Variants in NDRG3 observed in about 807,000 individuals in gnomAD.
NDRG3 encodes protein NDRG3.
In NDRG3, 23 loss-of-function variants were observed where a neutral mutation model predicts 57.2. The observed-to-expected ratio is 0.40, with a 90% CI of 0.29 to 0.57. The LOEUF (loss-of-function observed/expected upper bound fraction) is 0.57. NDRG3 is among the 20% of genes least tolerant of loss of function. The probability of loss-of-function intolerance (pLI) is 0.42; values close to 1 mark genes in which losing one functional copy is unlikely to be tolerated. For synonymous variants in NDRG3, 132 were observed against 162.6 expected (o/e 0.81, Z 1.43); for missense variants, 384 against 457.3 (o/e 0.84, Z 1.46).
At chr20:36,668,368 A>G (rs1253793576) in intron 9 of NDRG3, among the ~76,000 whole-genome samples, 1 of 152,174 alleles carries the variant, frequency 6.6e-6, no homozygotes, top group Non-Finnish European at 1.5e-5. Context: ...GGATATATAG[A>G]GCTATCTCAT....
At chr20:36,697,461 C>T (rs1340073534) in intron 3 of NDRG3, among the ~76,000 whole-genome samples, 1 of 152,138 alleles carries the variant, frequency 6.6e-6, no homozygotes, top group Non-Finnish European at 1.5e-5. Context: ...AATCCCAGCA[C>T]TTTGGGAGGC....
chr20:36,655,776 T>C (rs1394704081), intron 15 of NDRG3, among the ~76,000 whole-genome samples: 1 of 152,206 alleles, frequency 6.6e-6, no homozygotes, highest in Non-Finnish European at 1.5e-5. Context: ...GCAATGTGCT[T>C]AGTCTCTTTG....
At chr20:36,658,988 ACT>A (rs1978922656) in intron 13 of NDRG3, among the ~76,000 whole-genome samples, 1 of 142,932 alleles carries the variant, frequency 7.0e-6, no homozygotes, top group South Asian at 2.2e-4. Flanking sequence ...ACAGGGTTTC[ACT>A]CTGTCACCTA....
intron 8 of NDRG3, among the ~76,000 whole-genome samples, chr20:36,675,899 G>C (rs1468695159): frequency 6.6e-6 from 1 of 152,098 alleles, no homozygotes; most frequent in Non-Finnish European, 1.5e-5. Flanking sequence ...TGGTGTATTA[G>C]AACATTTACG....
intron 2 of NDRG3, among the ~76,000 whole-genome samples, chr20:36,712,583 ATATATTTTTTT>A (rs1983976807): frequency 9.2e-5 from 1 of 10,926 alleles, no homozygotes; most frequent in African/African-American, 3.5e-4. Flanking sequence ...ATATATATAT[ATATATTTTTTT>A]TTTTTTTTTT....
chr20:36,678,933 A>G (rs929879874), intron 8 of NDRG3, among the ~76,000 whole-genome samples: 1 of 152,132 alleles, frequency 6.6e-6, no homozygotes, highest in African/African-American at 2.4e-5. Context: ...CTTTGAAGAC[A>G]TTTTCATTTA....
At chr20:36,693,892 T>C (rs1041381732) in intron 3 of NDRG3, among the ~76,000 whole-genome samples, 1 of 152,022 alleles carries the variant, frequency 6.6e-6, no homozygotes, top group African/African-American at 2.4e-5. Flanking sequence ...ACAATAAATG[T>C]AATGTGCTTG....
rs1316590933 is a variant in NDRG3 at position 36,651,779 on chromosome 20, A to G, written c.*1741T>C. On this transcript the variant is annotated 3_prime_UTR_variant, in exon 16 of 16. Transcript: ENST00000349004. ...TAACACCAGCAATCAGGTAACAATG[A>G]GACATATGCAGCTTTATTTAATAAT... 6.6e-6 allele frequency: 1 copy of G among 152,214 alleles called. No individual in the cohort carries two copies. Among genetic ancestry groups the G allele is most frequent in the Non-Finnish European group, 1.5e-5 (1 of 68,044 alleles). The allele number at this position is 152,214 out of a possible 1,614,324, so 9.4% of individuals were successfully genotyped here. A position where few individuals can be genotyped will look rare whatever the true frequency, so the allele number is the denominator to read the frequency against.
chr20:36,707,500 T>A (rs1983615127), intron 2 of NDRG3, among the ~76,000 whole-genome samples: 1 of 151,998 alleles, frequency 6.6e-6, no homozygotes. Flanking sequence ...AGCCTTGAAA[T>A]CTAACAGAGA....
intron 13 of NDRG3, among the ~76,000 whole-genome samples, chr20:36,659,278 T>C (rs1978947157): frequency 6.6e-6 from 1 of 151,942 alleles, no homozygotes; most frequent in African/African-American, 2.4e-5. Flanking sequence ...TGTCATAAAG[T>C]TGAGGAAAAC....
intron 1 of NDRG3, among the ~76,000 whole-genome samples, chr20:36,725,852 T>C (rs1174661184): frequency 6.6e-6 from 1 of 151,550 alleles, no homozygotes; most frequent in Non-Finnish European, 1.5e-5. Context: ...TCCACATGGG[T>C]GGGCCTGTCA....
At chr20:36,723,055 C>A (rs893915787) in intron 1 of NDRG3, among the ~76,000 whole-genome samples, 15 of 152,158 alleles carry the variant, frequency 9.9e-5, no homozygotes, top group Non-Finnish European at 1.8e-4. Flanking sequence ...AATCCTCCAG[C>A]CCCAGTCAAG....
chr20:36,721,519 C>T (rs1984591673), intron 2 of NDRG3, among the ~76,000 whole-genome samples, 160 bp downstream of exon 2: 1 of 151,108 alleles, frequency 6.6e-6, no homozygotes, highest in African/African-American at 2.4e-5. Flanking sequence ...CAGAGTGAGA[C>T]ACCGTCTCAA....
chr20:36,691,098 A>G (rs988147047), intron 3 of NDRG3, among the ~76,000 whole-genome samples: 9 of 152,358 alleles, frequency 5.9e-5, no homozygotes, highest in Admixed American at 5.2e-4. Flanking sequence ...GTAAGACAAG[A>G]TTAACTCTGT....
intron 4 of NDRG3, among the ~76,000 whole-genome samples, chr20:36,688,087 T>C (rs1452531805): frequency 2.0e-5 from 3 of 152,246 alleles, no homozygotes; most frequent in Admixed American, 2.0e-4. Context: ...CTACCCTCTT[T>C]GTATACCTGC....
At chr20:36,676,356 TA>T (rs1980705164) in intron 8 of NDRG3, among the ~76,000 whole-genome samples, 1 of 152,232 alleles carries the variant, frequency 6.6e-6, no homozygotes, top group Non-Finnish European at 1.5e-5. Flanking sequence ...TATTATAAAA[TA>T]CCATAGTTTT....
At chr20:36,699,852 G>A (rs1983093632) in intron 3 of NDRG3, among the ~76,000 whole-genome samples, 1 of 151,980 alleles carries the variant, frequency 6.6e-6, no homozygotes, top group East Asian at 1.9e-4. Context: ...CGGGCACGGT[G>A]GCTCACATTT....
At chr20:36,720,832 G>A (rs897941529) in intron 2 of NDRG3, among the ~76,000 whole-genome samples, 23 of 149,992 alleles carry the variant, frequency 1.5e-4, no homozygotes, top group African/African-American at 3.4e-4. Context: ...GTGCAGTGGC[G>A]CAGTCTTGGC....
chr20:36,701,540 G>A (rs1036732677), intron 3 of NDRG3, among the ~76,000 whole-genome samples: 1 of 144,938 alleles, frequency 6.9e-6, no homozygotes, highest in Admixed American at 7.0e-5. Context: ...GTAAGACCCT[G>A]TATCTTTTTT....
Sources: allele counts gnomAD v4.1 joint callset (sites outside exome capture counted in the v4.1 genomes callset), GRCh38; gene constraint gnomAD v4.1.1; transcripts MANE v1.5; gene names NCBI Gene and HGNC (gene_info 2026-07-23, HGNC 2026-07-21).